CD2AP: variants seen among roughly 807,000 people sequenced by gnomAD.
The protein encoded by CD2AP is CD2 associated protein.
A neutral mutation model predicts 85.1 loss-of-function variants in CD2AP; 46 were observed. That is an observed-to-expected ratio of 0.54 (90% CI 0.43 to 0.69). The LOEUF is 0.69. Among genes scored for constraint, CD2AP ranks in the 30% least tolerant of loss-of-function variants. The pLI, the probability that CD2AP is intolerant of heterozygous loss-of-function variation, is 0.00. For synonymous variants in CD2AP, 255 were observed against 252.9 expected (o/e 1.01, Z -0.08); for missense variants, 769 against 729.5 (o/e 1.05, Z -0.62).
intron 3 of CD2AP, among the ~76,000 whole-genome samples, chr6:47,536,867 C>T (rs1229919896): frequency 1.3e-5 from 2 of 152,070 alleles, no homozygotes; most frequent in Non-Finnish European, 2.9e-5. Context: ...AATAAATTGA[C>T]GTGTTTCAGC....
intron 16 of CD2AP, 145 bp downstream of exon 16, chr6:47,609,449 G>A: frequency 1.6e-6 from 1 of 632,750 alleles, no homozygotes; most frequent in Non-Finnish European, 2.8e-6. Context: ...GACCAAGTTT[G>A]GAGGATTGCT....
intron 3 of CD2AP, among the ~76,000 whole-genome samples, chr6:47,536,243 A>G (rs906432210): frequency 2.1e-5 from 3 of 143,174 alleles, no homozygotes; most frequent in Admixed American, 6.9e-5. Flanking sequence ...TTTTTTTGTT[A>G]CTGTTTGGAT....
intron 3 of CD2AP, among the ~76,000 whole-genome samples, chr6:47,541,918 A>G (rs1214697884): frequency 1.3e-5 from 2 of 152,258 alleles, no homozygotes; most frequent in East Asian, 1.9e-4. Context: ...CTTCCTGTCC[A>G]GATTACTTCT....
chr6:47,566,323 T>TATATACACAC, intron 5 of CD2AP, among the ~76,000 whole-genome samples: 13 of 108,170 alleles, frequency 1.2e-4, no homozygotes, highest in East Asian at 2.4e-4. Flanking sequence ...TATATATATA[T>TATATACACAC]ACACATACAC....
Position 47,533,465 on chromosome 6 carries a change from C to T in CD2AP, c.166-137C>T, listed in dbSNP as rs984120235. On this transcript the variant is annotated intron_variant, in intron 2 of 17. Coordinates refer to ENST00000359314, the MANE Select transcript of CD2AP (RefSeq NM_012120.3). The stretch of plus-strand genomic sequence containing the variant: ...GTTTTATTCTTCAGATATGTTTGAG[C>T]AGAGCAAAGGTTGGAAACTATTGAT... 9.9e-6 allele frequency: 8 copies of T among 805,772 alleles called. No individual in the cohort carries two copies. The African/African-American group carries it at 1.4e-4, about 14-fold the overall frequency. The allele number at this position is 805,772 out of a possible 1,614,324, so 49.9% of individuals were successfully genotyped here.
chr6:47,545,069 T>C lies in CD2AP; in HGVS notation c.420+363T>C, dbSNP rs1188431883. The stretch of plus-strand genomic sequence containing the variant: ...TAAACGCTTTGCCTTGTTTGAATTA[T>C]CACATTCAAATATTAATAAAAATAC... On this transcript the variant is annotated intron_variant, in intron 4 of 17. Coordinates refer to ENST00000359314, the MANE Select transcript of CD2AP (RefSeq NM_012120.3). 21 of 192,708 alleles carry C rather than the reference T, an allele frequency of 1.1e-4. 1 individual carries two copies. The Admixed American group carries it at 1.1e-3, about 11-fold the overall frequency. The allele number at this position is 192,708 out of a possible 1,614,324, so 11.9% of individuals were successfully genotyped here. A position where few individuals can be genotyped will look rare whatever the true frequency, so the allele number is the denominator to read the frequency against.
intron 2 of CD2AP, among the ~76,000 whole-genome samples, chr6:47,505,552 C>T (rs1345539626): frequency 6.7e-6 from 1 of 148,918 alleles, no homozygotes; most frequent in East Asian, 2.0e-4. Flanking sequence ...GGCACACCTC[C>T]CAGACGGGGT....
intron 11 of CD2AP, among the ~76,000 whole-genome samples, chr6:47,585,645 G>C (rs1189033876): frequency 2.0e-5 from 3 of 152,196 alleles, no homozygotes; most frequent in Non-Finnish European, 1.5e-5. Flanking sequence ...CAGAGTGCCA[G>C]AGTGGTGGGA....
At chr6:47,523,712 A>T (rs1582511909) in intron 2 of CD2AP, among the ~76,000 whole-genome samples, 1 of 152,290 alleles carries the variant, frequency 6.6e-6, no homozygotes, top group Middle Eastern at 3.4e-3. Flanking sequence ...AATACTTTAT[A>T]CAGGTAATAC....
chr6:47,486,524 G>A (rs1166492341), intron 1 of CD2AP, among the ~76,000 whole-genome samples: 1 of 152,076 alleles, frequency 6.6e-6, no homozygotes, highest in Non-Finnish European at 1.5e-5. Context: ...GAAGGAAATG[G>A]GATTTATTCA....
In CD2AP at chr6:47,599,433, C is replaced by T. The variant is rs1202214767; in HGVS notation, c.1407C>T (p.Ser469=). Residue 469 remains serine, a synonymous_variant, in exon 13 of 18, where the codon TCC becomes TCT. Transcript: ENST00000359314. ...TTGATTCACTTACAGTAAGGACCTCCAAAGAAACAGGTAAGTCAGCATGGA... is the reference window on the plus strand; with the variant it reads ...TTGATTCACTTACAGTAAGGACCTCTAAAGAAACAGGTAAGTCAGCATGGA... ...VDFDSLTVRT[S]KETDVVNFDD... 5 of 1,611,226 alleles carry T rather than the reference C, an allele frequency of 3.1e-6. No individual in the cohort carries two copies. The African/African-American group carries it at 6.7e-5, about 22-fold the overall frequency.
chr6:47,616,154 C>T (rs146466676), intron 17 of CD2AP, among the ~76,000 whole-genome samples: 209 of 128,460 alleles, frequency 1.6e-3, no homozygotes, highest in Middle Eastern at 0.011. Context: ...TGCAATGGTG[C>T]GATCTTGGCT....
chr6:47,498,115 A>G (rs528777744), intron 1 of CD2AP, among the ~76,000 whole-genome samples: 6 of 152,160 alleles, frequency 3.9e-5, no homozygotes, highest in Non-Finnish European at 7.4e-5. Context: ...GTTTTGGTTC[A>G]TATTTTAATT....
chr6:47,579,898 C>G (rs1219090553), intron 9 of CD2AP: 1 of 165,046 alleles, frequency 6.1e-6, no homozygotes, highest in Admixed American at 6.1e-5. Context: ...CACTCTGCCT[C>G]CTTACAGAAT....
chr6:47,526,539 G>T (rs920706233), intron 2 of CD2AP, among the ~76,000 whole-genome samples: 1 of 152,020 alleles, frequency 6.6e-6, no homozygotes, highest in African/African-American at 2.4e-5. Context: ...TCTTAGATAT[G>T]ATTATGTCCC....
At chr6:47,546,435 T>C (rs935992492) in intron 4 of CD2AP, among the ~76,000 whole-genome samples, 1 of 152,058 alleles carries the variant, frequency 6.6e-6, no homozygotes, top group African/African-American at 2.4e-5. Flanking sequence ...ATTGGGGGAA[T>C]AATCAGAAAA....
chr6:47,544,264 C>G (rs2114044495), intron 3 of CD2AP, among the ~76,000 whole-genome samples: 1 of 152,240 alleles, frequency 6.6e-6, no homozygotes, highest in South Asian at 2.1e-4. Context: ...AAATCACTAG[C>G]CTAGAGGACT....
At chr6:47,552,979 T>TG (rs1262634466) in intron 4 of CD2AP, among the ~76,000 whole-genome samples, 6 of 144,554 alleles carry the variant, frequency 4.2e-5, no homozygotes, top group African/African-American at 7.8e-5. Flanking sequence ...CATTTCCTTT[T>TG]GGGGGGGAGC....
chr6:47,595,769 T>C (rs1768922863), intron 11 of CD2AP, 92 bp from the exon 12 acceptor site: 3 of 997,320 alleles, frequency 3.0e-6, no homozygotes, highest in Non-Finnish European at 4.7e-6. Flanking sequence ...TCTGCCTCTG[T>C]CACACTTTTC....
Sources: gnomAD v4.1 joint callset for allele counts (sites outside exome capture counted in the v4.1 genomes callset) on GRCh38, gnomAD v4.1.1 for gene constraint, MANE v1.5 for transcripts, NCBI Gene and HGNC (gene_info 2026-07-23, HGNC 2026-07-21) for gene names.